The following CAMK4 variants were observed in gnomAD, a reference collection of about 807,000 sequenced individuals.
CAMK4 encodes calcium/calmodulin dependent protein kinase IV.
Under a neutral mutation model 44.9 loss-of-function variants are expected in CAMK4, and 22 were observed. The ratio of observed to expected loss-of-function variants is 0.49; its 90% CI spans 0.35 to 0.70. The LOEUF is 0.70. CAMK4 is among the 30% of genes least tolerant of loss of function. The pLI is 0.01. For synonymous variants in CAMK4, 218 were observed against 215.4 expected (o/e 1.01, Z -0.11); for missense variants, 498 against 586.8 (o/e 0.85, Z 1.56).
intron 1 of CAMK4, among the ~76,000 whole-genome samples, chr5:111,239,627 C>T (rs1365446238): frequency 6.6e-6 from 1 of 152,154 alleles, no homozygotes; most frequent in African/African-American, 2.4e-5. Context: ...TCATTTTAGA[C>T]AAATTTTCAT....
chr5:111,405,022 G>A (rs1379167120), intron 5 of CAMK4, among the ~76,000 whole-genome samples: 1 of 152,076 alleles, frequency 6.6e-6, no homozygotes, highest in Non-Finnish European at 1.5e-5. Context: ...CAATAAACTG[G>A]GTGGATAGAC....
At chr5:111,451,093 G>A (rs533679125) in intron 7 of CAMK4, among the ~76,000 whole-genome samples, 1 of 152,132 alleles carries the variant, frequency 6.6e-6, no homozygotes, top group South Asian at 2.1e-4. Flanking sequence ...AGTGCTGGAA[G>A]GAACTTTAAA....
intron 2 of CAMK4, among the ~76,000 whole-genome samples, chr5:111,351,057 T>G (rs1750083934): frequency 6.6e-6 from 1 of 152,136 alleles, no homozygotes. Flanking sequence ...CTGGGTAAAC[T>G]GAGGATTACT....
At chr5:111,224,269 C>G (rs1323132510), upstream of CAMK4, 33 of 500,636 alleles carry the variant, frequency 6.6e-5, no homozygotes, top group Non-Finnish European at 9.4e-5. The surrounding 1 kb of genome is among the most constrained non-coding windows in gnomAD (Gnocchi z 5.7). Flanking sequence ...CAGCGGGCGG[C>G]GACTCCGGGT....
intron 10 of CAMK4, among the ~76,000 whole-genome samples, chr5:111,483,273 TTTCTTTCAGAA>T (rs1755494740): frequency 6.6e-6 from 1 of 152,190 alleles, no homozygotes; most frequent in East Asian, 1.9e-4. Flanking sequence ...AGAAAGTTGT[TTTCTTTCAGAA>T]TATGTAAAAC....
intron 7 of CAMK4, among the ~76,000 whole-genome samples, chr5:111,467,582 T>C (rs574928638): frequency 1.3e-5 from 2 of 151,966 alleles, no homozygotes; most frequent in African/African-American, 4.8e-5. Flanking sequence ...TACAAATGGC[T>C]AACAAACATA....
intron 2 of CAMK4, among the ~76,000 whole-genome samples, chr5:111,362,101 A>G (rs891522064): frequency 6.6e-6 from 1 of 152,088 alleles, no homozygotes; most frequent in African/African-American, 2.4e-5. Flanking sequence ...TTTCACAGGG[A>G]CTAGGAAATT....
At chr5:111,379,877 C>T (rs1326781010) in intron 4 of CAMK4, among the ~76,000 whole-genome samples, 1 of 151,962 alleles carries the variant, frequency 6.6e-6, no homozygotes, top group Admixed American at 6.6e-5. Flanking sequence ...GTAGAATCTG[C>T]TATTTTATGT....
At chr5:111,228,946 A>G (rs1748331544) in intron 1 of CAMK4, among the ~76,000 whole-genome samples, 1 of 152,198 alleles carries the variant, frequency 6.6e-6, no homozygotes, top group Non-Finnish European at 1.5e-5. Flanking sequence ...AGTAATTTGA[A>G]CTGGCTAAGA....
intron 1 of CAMK4, among the ~76,000 whole-genome samples, chr5:111,242,157 A>G (rs1749024079): frequency 1.3e-5 from 2 of 151,910 alleles, no homozygotes; most frequent in African/African-American, 2.4e-5. Context: ...TGTTACCCCC[A>G]TTTGCTTTGC....
intron 5 of CAMK4, among the ~76,000 whole-genome samples, chr5:111,427,770 T>G (rs1049004609): frequency 1.3e-5 from 2 of 152,192 alleles, no homozygotes; most frequent in South Asian, 2.1e-4. Context: ...AGTTCCTGAC[T>G]CCTGGACAGC....
chr5:111,358,373 T>C (rs1217133185), intron 2 of CAMK4, among the ~76,000 whole-genome samples: 1 of 152,090 alleles, frequency 6.6e-6, no homozygotes, highest in African/African-American at 2.4e-5. Context: ...TGTGGCTATA[T>C]GGGTCAGATT....
chr5:111,474,316 C>T (rs1250451752), intron 8 of CAMK4, among the ~76,000 whole-genome samples: 2 of 152,160 alleles, frequency 1.3e-5, no homozygotes, highest in Non-Finnish European at 2.9e-5. Context: ...TCACAGTTTT[C>T]GGGGGCTGGA....
chr5:111,230,843 T>A (rs907842487), intron 1 of CAMK4, among the ~76,000 whole-genome samples: 2 of 152,086 alleles, frequency 1.3e-5, no homozygotes, highest in Non-Finnish European at 2.9e-5. Flanking sequence ...AAGGGTTTTT[T>A]AAAAACTCTT....
At chr5:111,459,029 G>A (rs1754539563) in intron 7 of CAMK4, among the ~76,000 whole-genome samples, 1 of 152,090 alleles carries the variant, frequency 6.6e-6, no homozygotes, top group Admixed American at 6.5e-5. Flanking sequence ...GAAGTGACAT[G>A]TGGGCAGAAG....
intron 5 of CAMK4, among the ~76,000 whole-genome samples, chr5:111,436,988 G>A (rs114020737): frequency 3.9e-5 from 6 of 152,308 alleles, no homozygotes; most frequent in Non-Finnish European, 7.4e-5. Context: ...GGTTTAAAAT[G>A]TCATTTGGAA....
chr5:111,268,678 T>C (rs1750366348), intron 1 of CAMK4, among the ~76,000 whole-genome samples: 1 of 152,350 alleles, frequency 6.6e-6, no homozygotes, highest in East Asian at 1.9e-4. Flanking sequence ...GATCATATTA[T>C]AAATATTTAT....
chr5:111,421,681 A>G (rs1386700176), intron 5 of CAMK4, among the ~76,000 whole-genome samples: 1 of 152,136 alleles, frequency 6.6e-6, no homozygotes, highest in Non-Finnish European at 1.5e-5. Context: ...CCAGAAGGAC[A>G]TATCAGCATT....
chr5:111,403,630 A>G (rs1336800469), intron 5 of CAMK4, among the ~76,000 whole-genome samples: 1 of 152,176 alleles, frequency 6.6e-6, no homozygotes, highest in African/African-American at 2.4e-5. Context: ...TGATTTATAG[A>G]CATAGAATAA....
Sources: gnomAD v4.1 joint callset for allele counts (sites outside exome capture counted in the v4.1 genomes callset) on GRCh38, gnomAD v4.1.1 for gene constraint, Gnocchi (gnomAD v3.1) non-coding constraint, MANE v1.5 for transcripts, NCBI Gene and HGNC (gene_info 2026-07-23, HGNC 2026-07-21) for gene names.